Variants in TMTC2 observed in about 807,000 individuals in gnomAD.
TMTC2 encodes the protein transmembrane O-mannosyltransferase targeting cadherins 2.
Under a neutral mutation model 82.4 loss-of-function variants are expected in TMTC2, and 43 were observed. The ratio of observed to expected loss-of-function variants is 0.52; its 90% confidence interval spans 0.41 to 0.67. TMTC2 has a LOEUF of 0.67. TMTC2 is among the 30% of genes least tolerant of loss of function. The pLI is 0.00. For synonymous variants in TMTC2, 408 were observed against 381.9 expected (o/e 1.07, Z -0.80); for missense variants, 919 against 1,012.4 (o/e 0.91, Z 1.25).
chr12:82,786,797 G>A (rs1419080544), intron 1 of TMTC2, among the ~76,000 whole-genome samples: 1 of 152,086 alleles, frequency 6.6e-6, no homozygotes, highest in Non-Finnish European at 1.5e-5. Flanking sequence ...GTACTGTGAA[G>A]TCGGAACCAC....
chr12:82,775,956 C>G (rs1471263909), intron 1 of TMTC2, among the ~76,000 whole-genome samples: 1 of 151,806 alleles, frequency 6.6e-6, no homozygotes, highest in African/African-American at 2.4e-5. Context: ...CGTGTTCTTT[C>G]CTTTTGAGAG....
At chr12:82,730,127 G>C (rs1436483373) in intron 1 of TMTC2, among the ~76,000 whole-genome samples, 3 of 151,972 alleles carry the variant, frequency 2.0e-5, no homozygotes, top group African/African-American at 4.8e-5. Flanking sequence ...CTTGAAGTCA[G>C]TGAGACCAAG....
At chr12:82,831,821 C>T (rs955705106) in intron 1 of TMTC2, among the ~76,000 whole-genome samples, 2 of 152,144 alleles carry the variant, frequency 1.3e-5, no homozygotes, top group African/African-American at 2.4e-5. Flanking sequence ...CCAGGGCTGG[C>T]TCTGTGTATG....
intron 2 of TMTC2, among the ~76,000 whole-genome samples, chr12:82,884,583 A>C (rs530620542): frequency 6.6e-6 from 1 of 152,270 alleles, no homozygotes; most frequent in Non-Finnish European, 1.5e-5. Context: ...GGTTTCTAAG[A>C]GCTTTTATTC....
intron 3 of TMTC2, among the ~76,000 whole-genome samples, chr12:82,903,537 G>A (rs905374716): frequency 6.6e-6 from 1 of 152,022 alleles, no homozygotes; most frequent in Admixed American, 6.6e-5. Flanking sequence ...TCAGCCTCCC[G>A]AGTAGCTGGG....
rs570412129 is a variant in TMTC2, at chr12:82,965,539, G to C, written c.1685-21G>C. ...GTGTATATCATCTTCTCACACTTTT[G>C]TTTCCACTTTTCCCCCTCAGCTGCA... On this transcript the variant is annotated intron_variant, in intron 5 of 11. Coordinates refer to ENST00000321196, the MANE Select transcript of TMTC2 (RefSeq NM_152588.3). The C allele has an allele frequency of 3.1e-5, 50 of 1,612,210 alleles. No individual in the cohort carries two copies. In the Admixed American group the frequency reaches 5.3e-4, roughly 17 times the overall value.
chr12:83,126,752 A>C (rs1885109189), intron 11 of TMTC2, among the ~76,000 whole-genome samples: 1 of 152,120 alleles, frequency 6.6e-6, no homozygotes, highest in African/African-American at 2.4e-5. Flanking sequence ...CCATGAAACA[A>C]AGGAGGAGAG....
Position 82,895,995 on chromosome 12 carries a change from A to G in TMTC2, c.832A>G (p.Thr278Ala), listed in dbSNP as rs73360282. 597 of 1,613,710 alleles carry G rather than the reference A, an allele frequency of 3.7e-4. 3 individuals are homozygous for G. In the African/African-American group the frequency reaches 7.0e-3, roughly 19 times the overall value. The part of the protein sequence containing the change: ...TRTLTFFYLP[T>A]KNLWLLLCPD... The stretch of plus-strand genomic sequence containing the variant: ...CACTCTCACCTTCTTCTACTTGCCA[A>G]CCAAGAACCTCTGGCTGTTGCTATG... Residue 278 changes from threonine to alanine, a missense_variant, in exon 3 of 12, where the codon ACC becomes GCC. Physicochemically the swap from Thr to Ala is moderately conservative, Grantham distance 58. Coordinates refer to ENST00000321196, the MANE Select transcript of TMTC2 (RefSeq NM_152588.3).
chr12:82,708,010 C>G (rs1017046383), intron 1 of TMTC2, among the ~76,000 whole-genome samples: 2 of 152,084 alleles, frequency 1.3e-5, no homozygotes, highest in Non-Finnish European at 2.9e-5. Flanking sequence ...TTATCTGTCT[C>G]GAGGGTGAGC....
chr12:82,854,528 C>A (rs1468423483), intron 1 of TMTC2, among the ~76,000 whole-genome samples: 1 of 152,036 alleles, frequency 6.6e-6, no homozygotes, highest in African/African-American at 2.4e-5. Flanking sequence ...AGGACACTTT[C>A]TGGAAGTAGT....
intron 11 of TMTC2, among the ~76,000 whole-genome samples, chr12:83,083,677 T>C (rs750437935): frequency 1.2e-4 from 19 of 152,164 alleles, no homozygotes; most frequent in Non-Finnish European, 2.8e-4. Context: ...TCTTGTGCTT[T>C]CGTAGGGTGG....
intron 1 of TMTC2, among the ~76,000 whole-genome samples, chr12:82,807,866 A>G (rs1184167760): frequency 6.6e-6 from 1 of 152,050 alleles, no homozygotes; most frequent in Non-Finnish European, 1.5e-5. Flanking sequence ...TTAAGGTAGA[A>G]CTTTAAAAAA....
At chr12:82,699,193 C>A (rs1475295866) in intron 1 of TMTC2, among the ~76,000 whole-genome samples, 1 of 152,182 alleles carries the variant, frequency 6.6e-6, no homozygotes, top group Non-Finnish European at 1.5e-5. Flanking sequence ...GCATGGCCTG[C>A]TCCATCCCCC....
At position 83,057,112 on chromosome 12, in the gene TMTC2, A is replaced by G. The variant is rs937492258; in HGVS notation, c.2268-4656A>G. 2.6e-5 allele frequency among the ~76,000 whole-genome samples: 4 copies of G among 152,060 alleles called. No individual in the cohort carries two copies. In the South Asian group the frequency reaches 8.3e-4, roughly 32 times the overall value. ...AAGTGGTAATTTACTACATGTGAAT[A>G]TAACAGTTGACATTGCCGATACACA... On this transcript the variant is annotated intron_variant, in intron 10 of 11. Transcript: ENST00000321196.
At chr12:83,102,009 T>C (rs1884235216) in intron 11 of TMTC2, among the ~76,000 whole-genome samples, 1 of 152,188 alleles carries the variant, frequency 6.6e-6, no homozygotes, top group Non-Finnish European at 1.5e-5. Context: ...TAAATTAACA[T>C]GAAGATAATT....
At chr12:82,818,037 A>G (rs1868851354) in intron 1 of TMTC2, among the ~76,000 whole-genome samples, 1 of 152,134 alleles carries the variant, frequency 6.6e-6, no homozygotes, top group South Asian at 2.1e-4. Context: ...TTAAGATGGG[A>G]GTAAAATCTC....
intron 3 of TMTC2, among the ~76,000 whole-genome samples, chr12:82,918,004 T>G (rs1339958446): frequency 6.6e-6 from 1 of 152,170 alleles, no homozygotes; most frequent in African/African-American, 2.4e-5. Context: ...CTGAAGGCAT[T>G]CTCCCACCTC....
At chr12:82,855,467 C>G (rs1293417539) in intron 1 of TMTC2, among the ~76,000 whole-genome samples, 4 of 152,306 alleles carry the variant, frequency 2.6e-5, no homozygotes, top group African/African-American at 9.6e-5. Flanking sequence ...CAGTCTCCCA[C>G]AACATAGTCT....
intron 2 of TMTC2, among the ~76,000 whole-genome samples, chr12:82,876,889 A>G (rs1023178785): frequency 3.3e-5 from 5 of 152,300 alleles, no homozygotes; most frequent in African/African-American, 1.2e-4. Flanking sequence ...AGTTTTCTGA[A>G]GATTAAATGC....
Sources: gnomAD v4.1 joint callset for allele counts (sites outside exome capture counted in the v4.1 genomes callset) on GRCh38, gnomAD v4.1.1 for gene constraint, MANE v1.5 for transcripts, NCBI Gene and HGNC (gene_info 2026-07-23, HGNC 2026-07-21) for gene names.